Variants in SHLD2 observed in about 807,000 individuals in gnomAD.
SHLD2 encodes the protein shieldin complex subunit 2, also known as RINN1-REV7-interacting novel NHEJ regulator 2.
SHLD2 carries 30 observed loss-of-function variants against 73.2 expected under a neutral mutation model. The ratio of observed to expected loss-of-function variants is 0.41; its 90% CI spans 0.31 to 0.56. The LOEUF is 0.56. SHLD2 is among the 20% of genes least tolerant of loss of function. SHLD2 has a pLI of 0.28. For missense variants in SHLD2, 745 were observed against 1,055.9 expected, an observed-to-expected ratio of 0.71 and a Z score of 4.08; for synonymous variants, 285 against 370.1, an observed-to-expected ratio of 0.77 and a Z score of 2.64.
At chr10:87,177,449 A>G (rs1589653821) in intron 7 of SHLD2, among the ~76,000 whole-genome samples, 2 of 152,142 alleles carry the variant, frequency 1.3e-5, no homozygotes, top group East Asian at 3.9e-4. Flanking sequence ...TGTGCTCCTC[A>G]TTAGCAAGCC....
intron 6 of SHLD2, among the ~76,000 whole-genome samples, 168 bp downstream of exon 6, chr10:87,171,142 T>C (rs530367818): frequency 6.6e-6 from 1 of 152,270 alleles, no homozygotes; most frequent in African/African-American, 2.4e-5. Context: ...GTACCTCTTG[T>C]AGCAATTCAT....
chr10:87,095,161 G>C (rs1324723847), upstream of SHLD2: 7 of 120,184 alleles, frequency 5.8e-5, no homozygotes, highest in Admixed American at 5.8e-4. Context: ...GGGAGGGGAA[G>C]GTCGGGGCGG....
At chr10:87,143,215 A>G (rs934579353) in intron 2 of SHLD2, among the ~76,000 whole-genome samples, 3 of 152,072 alleles carry the variant, frequency 2.0e-5, no homozygotes, top group Admixed American at 2.0e-4. Flanking sequence ...CTGTAATTAC[A>G]AGCTTGAGCC....
chr10:87,179,430 C>T (rs1475742820), intron 7 of SHLD2, among the ~76,000 whole-genome samples: 1 of 148,748 alleles, frequency 6.7e-6, no homozygotes, highest in Non-Finnish European at 1.5e-5. Context: ...GAGACGGAGT[C>T]TTGCTCTTTC....
chr10:87,166,488 A>G (rs1443936634), intron 4 of SHLD2, among the ~76,000 whole-genome samples: 2 of 152,240 alleles, frequency 1.3e-5, no homozygotes, highest in African/African-American at 4.8e-5. Context: ...CAAAGAATGA[A>G]ATAAACATAT....
chr10:87,164,077 C>T (rs1238371360), intron 4 of SHLD2, among the ~76,000 whole-genome samples: 4 of 151,796 alleles, frequency 2.6e-5, no homozygotes, highest in Admixed American at 2.6e-4. Flanking sequence ...CCTGCTTCAG[C>T]CTCCCAAGTA....
At chr10:87,162,289 A>G (rs144701028) in intron 4 of SHLD2, among the ~76,000 whole-genome samples, 1,914 of 152,348 alleles carry the variant, frequency 0.013, 28 homozygotes, top group Middle Eastern at 0.071. Flanking sequence ...TAAATTTTGC[A>G]TAACCAAAAC....
chr10:87,163,385 A>G (rs1846961295), intron 4 of SHLD2, among the ~76,000 whole-genome samples: 1 of 152,222 alleles, frequency 6.6e-6, no homozygotes, highest in Admixed American at 6.5e-5. Flanking sequence ...TGGGAACAGG[A>G]TAGCAGGGGT....
At chr10:87,121,930 A>G (rs1843657194) in intron 2 of SHLD2, among the ~76,000 whole-genome samples, 1 of 151,626 alleles carries the variant, frequency 6.6e-6, no homozygotes, top group Non-Finnish European at 1.5e-5. Flanking sequence ...ATGCCTGGCT[A>G]ATTTTTGTAT....
At chr10:87,122,602 T>G (rs2134088368) in intron 2 of SHLD2, among the ~76,000 whole-genome samples, 1 of 152,082 alleles carries the variant, frequency 6.6e-6, no homozygotes, top group Non-Finnish European at 1.5e-5. Context: ...TATATAAAAT[T>G]GATTCCTGCC....
intron 4 of SHLD2, among the ~76,000 whole-genome samples, chr10:87,164,053 G>A (rs1428744690): frequency 2.6e-5 from 4 of 151,650 alleles, no homozygotes; most frequent in Admixed American, 6.6e-5. Context: ...TGCCTCCTGG[G>A]TTCGAGCAAT....
intron 1 of SHLD2, among the ~76,000 whole-genome samples, chr10:87,095,691 A>T (rs1033887627): frequency 6.6e-6 from 1 of 152,230 alleles, no homozygotes; most frequent in African/African-American, 2.4e-5. Flanking sequence ...GTCCCGTTCA[A>T]CTGCTCCGCA....
rs745820325 is a variant in SHLD2, at chr10:87,190,443, T to C, written c.2516-41T>C. The C allele has an allele frequency of 2.6e-6, 4 of 1,517,780 alleles. No individual in the cohort carries two copies. The Admixed American group carries it at 5.0e-5, about 19-fold the overall frequency. The allele number at this position is 1,517,780 out of a possible 1,614,324, so 94.0% of individuals were successfully genotyped here. A position where few individuals can be genotyped will look rare whatever the true frequency, so the allele number is the denominator to read the frequency against. On this transcript the variant is annotated intron_variant, in intron 9 of 9. Transcript: ENST00000298786. ...TTCAATGTGTGTGCTCCTGTCAAGCTAGCAGCGATCTTGGGAGCTCTGTGT... is the reference window on the plus strand; with the variant it reads ...TTCAATGTGTGTGCTCCTGTCAAGCCAGCAGCGATCTTGGGAGCTCTGTGT...
At chr10:87,139,845 C>T (rs1217917151) in intron 2 of SHLD2, among the ~76,000 whole-genome samples, 1 of 151,850 alleles carries the variant, frequency 6.6e-6, no homozygotes, top group Non-Finnish European at 1.5e-5. Context: ...AAAAGACTCA[C>T]AAGTAGTATC....
At chr10:87,117,959 A>G (rs1267333434) in intron 2 of SHLD2, among the ~76,000 whole-genome samples, 1 of 152,236 alleles carries the variant, frequency 6.6e-6, no homozygotes, top group Non-Finnish European at 1.5e-5. Context: ...TGCAAACTCT[A>G]TCCCATTGGT....
intron 2 of SHLD2, among the ~76,000 whole-genome samples, chr10:87,113,706 T>G (rs1267118557): frequency 1.3e-5 from 2 of 152,126 alleles, no homozygotes; most frequent in Non-Finnish European, 2.9e-5. Flanking sequence ...GTATGCTATG[T>G]CAATTAAAAA....
In SHLD2 at chr10:87,152,674, G is replaced by A. The variant is rs542731009; in HGVS notation, c.1320G>A (p.Gln440=). 1.0e-4 allele frequency: 167 copies of A among 1,610,586 alleles called. 1 individual carries two copies. The East Asian group carries it at 2.6e-3, about 25-fold the overall frequency. ...SLIKNCDSKS[Q]KYNCLVMVLS... is the part of the protein sequence containing the mutation. ...TAAAAAACTGTGATTCTAAAAGCCAGAAGTATAATTGTTTAGTCATGGTGC... is the reference window on the plus strand; with the variant it reads ...TAAAAAACTGTGATTCTAAAAGCCAAAAGTATAATTGTTTAGTCATGGTGC... Residue 440 remains glutamine (Q), a synonymous_variant, in exon 3 of 10, where the codon CAG becomes CAA. Transcript: ENST00000298786.
At chr10:87,114,741 A>G (rs1843139396) in intron 2 of SHLD2, among the ~76,000 whole-genome samples, 2 of 152,108 alleles carry the variant, frequency 1.3e-5, no homozygotes, top group East Asian at 3.9e-4. Context: ...ACAAAAACAA[A>G]CAAACAAAAA....
chr10:87,103,584 A>ATT (rs1448201761), intron 2 of SHLD2, among the ~76,000 whole-genome samples: 9 of 152,188 alleles, frequency 5.9e-5, no homozygotes, highest in Middle Eastern at 3.4e-3. Flanking sequence ...ACTTTCTAAT[A>ATT]TTTGCTTTTG....
Sources: allele counts gnomAD v4.1 joint callset (sites outside exome capture counted in the v4.1 genomes callset), GRCh38; gene constraint gnomAD v4.1.1; transcripts MANE v1.5; gene names NCBI Gene and HGNC (gene_info 2026-07-23, HGNC 2026-07-21).